The following CLSTN1 variants were observed in gnomAD, a reference collection of about 807,000 sequenced individuals.
The protein encoded by CLSTN1 is calsyntenin-1.
Under a neutral mutation model 108.3 loss-of-function variants are expected in CLSTN1, and 28 were observed. The observed-to-expected ratio is 0.26, with a 90% CI of 0.19 to 0.35. The LOEUF (loss-of-function observed/expected upper bound fraction) is 0.35, where lower values mean the gene tolerates loss of function less well. Ranked by LOEUF, CLSTN1 falls within the 10% of genes least tolerant of loss-of-function variation. The probability of loss-of-function intolerance (pLI) is 1.00; values close to 1 mark genes in which losing one functional copy is unlikely to be tolerated. For synonymous variants in CLSTN1, 524 were observed against 534.9 expected, an observed-to-expected ratio of 0.98 and a Z score of 0.28; for missense variants, 1,157 against 1,302.6, an observed-to-expected ratio of 0.89 and a Z score of 1.72.
At chr1:9,771,585 G>T (rs1652683502) in intron 2 of CLSTN1, among the ~76,000 whole-genome samples, 2 of 152,144 alleles carry the variant, frequency 1.3e-5, no homozygotes, top group Admixed American at 1.3e-4. Flanking sequence ...CTGCACTCCA[G>T]CCTGGGTGAC....
intron 1 of CLSTN1, among the ~76,000 whole-genome samples, chr1:9,776,144 T>C (rs1197111342): frequency 1.3e-5 from 2 of 152,138 alleles, no homozygotes; most frequent in Non-Finnish European, 2.9e-5. Context: ...AGTTTCTGTA[T>C]TTTTAGTAGA....
intron 2 of CLSTN1, among the ~76,000 whole-genome samples, chr1:9,768,412 C>CA (rs111523731): frequency 0.24 from 8,840 of 36,122 alleles, 2,059 homozygotes; most frequent in African/African-American, 0.61. Context: ...TGGGCGGCAC[C>CA]GGGGGGCGGG....
chr1:9,820,183 T>C (rs754094059), intron 1 of CLSTN1, among the ~76,000 whole-genome samples: 30 of 152,088 alleles, frequency 2.0e-4, no homozygotes, highest in Non-Finnish European at 1.2e-4. Context: ...CCCATGATCC[T>C]TGAAAATTTA....
chr1:9,764,664 A>C (rs1433680394), intron 2 of CLSTN1, among the ~76,000 whole-genome samples: 1 of 129,858 alleles, frequency 7.7e-6, no homozygotes, highest in Admixed American at 7.8e-5. Flanking sequence ...AAAAAAAAAA[A>C]GTTTCCACAT....
intron 10 of CLSTN1, among the ~76,000 whole-genome samples, chr1:9,740,033 G>C (rs1037570631): frequency 3.9e-5 from 6 of 151,996 alleles, no homozygotes; most frequent in African/African-American, 1.2e-4. Context: ...AGCCAGGATG[G>C]TCTTGATCTC....
chr1:9,802,326 A>T (rs1035273818), intron 1 of CLSTN1, among the ~76,000 whole-genome samples: 2 of 152,214 alleles, frequency 1.3e-5, no homozygotes, highest in African/African-American at 4.8e-5. Context: ...AAATTATATC[A>T]GGCCACACTG....
chr1:9,821,178 G>A (rs1397406068), intron 1 of CLSTN1, among the ~76,000 whole-genome samples: 1 of 152,186 alleles, frequency 6.6e-6, no homozygotes, highest in East Asian at 1.9e-4. Context: ...TGTCACCCAG[G>A]CTGGAGTGCA....
chr1:9,737,439 G>T (rs1446960104), intron 11 of CLSTN1, 59 bp downstream of exon 11: 3 of 1,485,188 alleles, frequency 2.0e-6, no homozygotes, highest in South Asian at 2.3e-5. Flanking sequence ...CACGTGGAAT[G>T]AATCAGTCTC....
intron 1 of CLSTN1, among the ~76,000 whole-genome samples, chr1:9,794,489 A>G (rs1057223070): frequency 6.6e-6 from 1 of 151,256 alleles, no homozygotes; most frequent in Non-Finnish European, 1.5e-5. Flanking sequence ...TTGTATTTTT[A>G]GTAGAGACAG....
intron 1 of CLSTN1, among the ~76,000 whole-genome samples, chr1:9,777,736 CG>C (rs1335958388): frequency 6.6e-6 from 1 of 152,120 alleles, no homozygotes; most frequent in Admixed American, 6.6e-5. Context: ...TCTCTACCCC[CG>C]CTCCCCCTGC....
rs1360291902 is a variant in CLSTN1 at position 9,730,686 on chromosome 1, C to T, written c.2768G>A (p.Ser923Asn). ...TTCCTCTTCCTCCTCCTCCTCACTGCTGTGCTGGTCCTCATAGGTCTGGCA... is the reference window on the plus strand; with the variant it reads ...TTCCTCTTCCTCCTCCTCCTCACTGTTGTGCTGGTCCTCATAGGTCTGGCA... The part of the protein sequence containing the change: ...NPMETYEDQH[S>N]SEEEEEEEEE... The change falls in exon 19 of 19, where the codon AGC (serine) becomes AAC (asparagine). Residue 923 changes from serine to asparagine, a missense_variant. Ser to Asn is a conservative substitution (Grantham distance 46). Transcript: ENST00000377298. This position sits in a 1 kb window ranked among gnomAD's most constrained non-coding sequence, Gnocchi z 5.6. The T allele has an allele frequency of 2.5e-6, 4 of 1,607,316 alleles. No individual in the cohort carries two copies. In the African/African-American group the frequency reaches 5.3e-5, roughly 21 times the overall value.
At chr1:9,737,438 T>C in intron 11 of CLSTN1, 60 bp downstream of exon 11, 6 of 1,482,046 alleles carry the variant, frequency 4.0e-6, no homozygotes, top group South Asian at 1.1e-5. Context: ...ACACGTGGAA[T>C]GAATCAGTCT....
chr1:9,823,585 TG>T lies in CLSTN1; in HGVS notation c.91+57del. The T allele has an allele frequency of 9.1e-7, 1 of 1,103,460 alleles. No individual in the cohort carries two copies. The highest frequency in any genetic ancestry group is 1.1e-6 in the Non-Finnish European group (1 of 886,906). The allele number at this position is 1,103,460 out of a possible 1,614,324, so 68.4% of individuals were successfully genotyped here. A position where few individuals can be genotyped will look rare whatever the true frequency, so the allele number is the denominator to read the frequency against. ...AATCCCCGCACCGGGACCCGAATCCTGCACCCGGACCCGAATCCCGCACCGA... is the reference window on the plus strand; with the variant it reads ...AATCCCCGCACCGGGACCCGAATCCTCACCCGGACCCGAATCCCGCACCGA... On this transcript the variant is annotated intron_variant, in intron 1 of 18. Transcript: ENST00000377298. The surrounding 1 kb of genome is among the most constrained non-coding windows in gnomAD (Gnocchi z 6.3).
At chr1:9,743,807 C>T in intron 9 of CLSTN1, 77 bp downstream of exon 9, 3 of 1,555,414 alleles carry the variant, frequency 1.9e-6, no homozygotes, top group South Asian at 1.2e-5. Context: ...ATCCTCGTGC[C>T]CCAGCCTCCC....
rs757184895 is a variant in CLSTN1, at chr1:9,735,092, T to A, written c.1966A>T (p.Ser656Cys). 1.2e-6 allele frequency: 2 copies of A among 1,614,204 alleles called. No individual in the cohort carries two copies. Among genetic ancestry groups the A allele is most frequent in the Middle Eastern group, 1.6e-4 (1 of 6,062 alleles). The part of the protein sequence containing the change: ...MVLQPEEPKI[S>C]LSGVHHFARA... ...GCAAAATGGTGGACGCCACTCAGGC[T>A]GATCTTGGGCTCCTCGGGCTGTAAA... The change falls in exon 14 of 19, where the codon AGC becomes TGC. Residue 656 changes from serine to cysteine, a missense_variant. Transcript: ENST00000377298.
Position 9,741,054 on chromosome 1 carries a change from C to T in CLSTN1, c.1519+40G>A, listed in dbSNP as rs780922582. On this transcript the variant is annotated intron_variant, in intron 10 of 18. Coordinates refer to ENST00000377298, the MANE Select transcript of CLSTN1 (RefSeq NM_001009566.3). ...CCACCAACCTAGTAAAGAGGTACAA[C>T]TTAATTCTCGAGTCGAGGGCGGGGG... 4 of 1,598,582 alleles carry T rather than the reference C, an allele frequency of 2.5e-6. No individual in the cohort carries two copies. In the African/African-American group the frequency reaches 4.0e-5, roughly 16 times the overall value.
intron 1 of CLSTN1, among the ~76,000 whole-genome samples, chr1:9,783,895 A>C (rs1653362484): frequency 6.6e-6 from 1 of 151,834 alleles, no homozygotes; most frequent in African/African-American, 2.4e-5. Flanking sequence ...TGGGAGGCTG[A>C]GACAGGAGAA....
Position 9,735,429 on chromosome 1 carries a change from T to C in CLSTN1, c.1883+38A>G, listed in dbSNP as rs756002593. The stretch of plus-strand genomic sequence containing the variant: ...AAAAACCTAAATATACAAGTGTCAT[T>C]GGGCAAAACAGGCCGGCTGTTAAAA... On this transcript the variant is annotated intron_variant, in intron 13 of 18. Transcript: ENST00000377298. 5.0e-6 allele frequency: 8 copies of C among 1,613,752 alleles called. No homozygotes were observed. The African/African-American group carries it at 8.0e-5, about 16-fold the overall frequency.
At chr1:9,774,481 G>C (rs949644708) in intron 1 of CLSTN1, among the ~76,000 whole-genome samples, 1 of 151,660 alleles carries the variant, frequency 6.6e-6, no homozygotes, top group African/African-American at 2.4e-5. Context: ...CAGAAGAATC[G>C]CCTGAACCTG....
Sources: gnomAD v4.1 joint callset for allele counts (sites outside exome capture counted in the v4.1 genomes callset) on GRCh38, gnomAD v4.1.1 for gene constraint, Gnocchi (gnomAD v3.1) non-coding constraint, MANE v1.5 for transcripts, NCBI Gene and HGNC (gene_info 2026-07-23, HGNC 2026-07-21) for gene names.